KANK2: variants seen among roughly 807,000 people sequenced by gnomAD.
The protein encoded by KANK2 is KN motif and ankyrin repeat domain-containing protein 2.
Under a neutral mutation model 74.6 loss-of-function variants are expected in KANK2, and 41 were observed. That is an observed-to-expected ratio of 0.55 (90% CI 0.43 to 0.71). KANK2 has a LOEUF of 0.71. Ranked by LOEUF, KANK2 falls within the 30% of genes least tolerant of loss-of-function variation. The pLI is 0.00. For missense variants in KANK2, 1,148 were observed against 1,196.4 expected, an observed-to-expected ratio of 0.96 and a Z score of 0.60; for synonymous variants, 537 against 519.0, an observed-to-expected ratio of 1.03 and a Z score of -0.47.
chr19:11,171,824 C>G (rs1239679485), intron 10 of KANK2, among the ~76,000 whole-genome samples: 1 of 151,358 alleles, frequency 6.6e-6, no homozygotes, highest in Non-Finnish European at 1.5e-5. Flanking sequence ...GCACATGCCA[C>G]CATGCCCAGC....
At chr19:11,175,196 G>A (rs1481230509) in intron 8 of KANK2, among the ~76,000 whole-genome samples, 1 of 151,778 alleles carries the variant, frequency 6.6e-6, no homozygotes, top group Non-Finnish European at 1.5e-5. Context: ...GGAGGCCAGG[G>A]TGAGCGGATC....
chr19:11,172,379 A>G (rs1389243512), intron 10 of KANK2, among the ~76,000 whole-genome samples: 1 of 152,190 alleles, frequency 6.6e-6, no homozygotes, highest in African/African-American at 2.4e-5. Flanking sequence ...GCCCCGTCAC[A>G]GCTCCATTTT....
At chr19:11,168,516 A>G (rs1244469059) in intron 12 of KANK2, among the ~76,000 whole-genome samples, 1 of 151,926 alleles carries the variant, frequency 6.6e-6, no homozygotes, top group Non-Finnish European at 1.5e-5. Flanking sequence ...GGTTCAAGCA[A>G]TCCTTCCATC....
chr19:11,195,571 C>T (rs2078994012), intron 2 of KANK2, 51 bp downstream of exon 2: 1 of 152,408 alleles, frequency 6.6e-6, no homozygotes, highest in Admixed American at 6.6e-5. Context: ...GAGGATGGGC[C>T]AGGTAGGGCA....
chr19:11,169,839 C>A, intron 12 of KANK2, 38 bp downstream of exon 12: 1 of 1,511,980 alleles, frequency 6.6e-7, no homozygotes, highest in Admixed American at 1.7e-5. Context: ...TTCAGAGACC[C>A]ACCCATCCCG....
intron 10 of KANK2, among the ~76,000 whole-genome samples, chr19:11,171,218 G>A (rs1231028551): frequency 7.2e-5 from 11 of 152,190 alleles, no homozygotes; most frequent in Admixed American, 5.2e-4. Context: ...GCAACATAGC[G>A]AGACCATGTC....
chr19:11,166,403 C>T lies in KANK2; in HGVS notation c.*155G>A. Reference sequence around the variant, plus strand: ...AGCTGGAGTCCTGTGGCCGTCGGGGCTCCCCCAGGGAAGCAGAGGGAGAGC... The same window carrying T: ...AGCTGGAGTCCTGTGGCCGTCGGGGTTCCCCCAGGGAAGCAGAGGGAGAGC... On this transcript the variant is annotated 3_prime_UTR_variant, in exon 13 of 13. Transcript: ENST00000586659. 1.5e-6 allele frequency: 1 copy of T among 673,304 alleles called. No individual in the cohort carries two copies. The highest frequency in any genetic ancestry group is 2.5e-6 in the Non-Finnish European group (1 of 392,454). 41.7% of individuals were successfully genotyped at this position (673,304 alleles called of 1,614,324 possible). A position where few individuals can be genotyped will look rare whatever the true frequency, so the allele number is the denominator to read the frequency against.
At chr19:11,197,173 G>T in intron 1 of KANK2, 1 of 152,872 alleles carries the variant, frequency 6.5e-6, no homozygotes, top group Non-Finnish European at 1.5e-5. Flanking sequence ...ACAGAGACAG[G>T]GGAGAGCGGG....
At chr19:11,176,470 G>A in intron 7 of KANK2, 108 bp downstream of exon 7, 1 of 1,272,480 alleles carries the variant, frequency 7.9e-7, no homozygotes, top group Non-Finnish European at 1.1e-6. Flanking sequence ...AGACTAAAGT[G>A]TGCATGACTG....
At position 11,193,730 on chromosome 19, in the gene KANK2, C is replaced by T. The variant is rs574295288; in HGVS notation, c.350G>A (p.Arg117His). ...CTCCACCCGCGGATTGAAGCCACCG[C>T]GGGTCTCCAGAGCACCATACTGAGG... The part of the protein sequence containing the change: ...FYPQYGALET[R>H]GGFNPRVERT... The change falls in exon 4 of 13, where the codon CGC becomes CAC. Residue 117 changes from arginine to histidine, a missense_variant. Transcript: ENST00000586659. The surrounding 1 kb of genome is among the most constrained non-coding windows in gnomAD (Gnocchi z 9.6). 51 of 1,612,408 alleles carry T rather than the reference C, an allele frequency of 3.2e-5. No homozygotes were observed. Among genetic ancestry groups the T allele is most frequent in the Middle Eastern group, 1.6e-4 (1 of 6,062 alleles).
intron 4 of KANK2, among the ~76,000 whole-genome samples, chr19:11,189,847 C>T (rs1214468106): frequency 6.6e-6 from 1 of 152,150 alleles, no homozygotes; most frequent in Non-Finnish European, 1.5e-5. Flanking sequence ...ATGGTGGTTG[C>T]CTCTCAGAGA....
chr19:11,169,998 C>T (rs373063713), intron 11 of KANK2, 32 bp from the exon 12 acceptor site: 2 of 1,612,732 alleles, frequency 1.2e-6, no homozygotes, highest in African/African-American at 2.7e-5. Flanking sequence ...GAATGACGTC[C>T]CCATGCTGTG....
intron 4 of KANK2, among the ~76,000 whole-genome samples, chr19:11,187,292 G>C (rs2078704447): frequency 1.3e-5 from 2 of 151,972 alleles, no homozygotes; most frequent in Admixed American, 1.3e-4. Flanking sequence ...AAAATAAAAA[G>C]TGATAAATCA....
rs779948615 is a variant in KANK2 at position 11,193,607 on chromosome 19, G to T, written c.473C>A (p.Ser158Tyr). ...GGGTGGCAACCCCACGCCCACCAGGGAGGCTGTCGAGCCGGCCGCACTGGG... is the reference window on the plus strand; with the variant it reads ...GGGTGGCAACCCCACGCCCACCAGGTAGGCTGTCGAGCCGGCCGCACTGGG... The part of the protein sequence containing the change: ...LTPSAAGSTA[S>Y]LVGVGLPPPT... Residue 158 changes from serine (S) to tyrosine (Y), a missense_variant, in exon 4 of 13, where the codon TCC (serine) becomes TAC (tyrosine). Coordinates refer to ENST00000586659, the MANE Select transcript of KANK2 (RefSeq NM_001136191.3). The surrounding 1 kb of genome is among the most constrained non-coding windows in gnomAD (Gnocchi z 9.6). The T allele has an allele frequency of 6.3e-7, 1 of 1,585,178 alleles. No homozygotes were observed. Among genetic ancestry groups the T allele is most frequent in the Admixed American group, 1.7e-5 (1 of 58,534 alleles).
At chr19:11,174,379 C>T (rs974089209) in intron 9 of KANK2, 94 bp downstream of exon 9, 3 of 1,004,592 alleles carry the variant, frequency 3.0e-6, no homozygotes, top group Admixed American at 2.0e-5. Context: ...TCATCTTCCC[C>T]ATCAGATGGG....
rs1428348028 is a variant in KANK2 at position 11,173,109 on chromosome 19, C to T, written c.2083G>A (p.Asp695Asn). ...QLLDSGVCKV[D>N]KQNRAGYSPI... ...CTGTAGCCAGCACGGTTCTGTTTGT[C>T]CACCTTGCAGACACCTAAGAGACAT... The change falls in exon 10 of 13, where the codon GAC (aspartate) becomes AAC (asparagine). Residue 695 changes from aspartate (D) to asparagine (N), a missense_variant. Physicochemically the swap from Asp to Asn is conservative, Grantham distance 23. Coordinates refer to ENST00000586659, the MANE Select transcript of KANK2 (RefSeq NM_001136191.3). 2.5e-6 allele frequency: 4 copies of T among 1,613,532 alleles called. No homozygotes were observed. Among genetic ancestry groups the T allele is most frequent in the Admixed American group, 3.3e-5 (2 of 59,890 alleles).
intron 10 of KANK2, among the ~76,000 whole-genome samples, chr19:11,172,589 T>G (rs2078208628): frequency 6.6e-6 from 1 of 151,980 alleles, no homozygotes; most frequent in Admixed American, 6.6e-5. Context: ...CTGCCTAAAT[T>G]CCCCTGGCGG....
rs186883847 is a variant in KANK2 at position 11,167,354 on chromosome 19, C to T, written c.2503-743G>A. Reference sequence around the variant, plus strand: ...TGTTGAGATTACAGGCGTGAGCCACCGTGCCCGGCCTAGATTTTTTTTTGC... The same window carrying T: ...TGTTGAGATTACAGGCGTGAGCCACTGTGCCCGGCCTAGATTTTTTTTTGC... On this transcript the variant is annotated intron_variant, in intron 12 of 12. Coordinates refer to ENST00000586659, the MANE Select transcript of KANK2 (RefSeq NM_001136191.3). 4.9e-3 allele frequency among the ~76,000 whole-genome samples: 743 copies of T among 151,438 alleles called. 3 individuals carry two copies. Among genetic ancestry groups the T allele is most frequent in the African/African-American group, 0.017 (713 of 41,252 alleles).
intron 7 of KANK2, 88 bp downstream of exon 7, chr19:11,176,490 T>C: frequency 7.1e-7 from 1 of 1,401,132 alleles, no homozygotes; most frequent in South Asian, 1.5e-5. Context: ...GATAGGAGGG[T>C]CCTTCAAAGG....
Sources: allele counts gnomAD v4.1 joint callset (sites outside exome capture counted in the v4.1 genomes callset), GRCh38; gene constraint gnomAD v4.1.1; non-coding constraint Gnocchi (gnomAD v3.1); transcripts MANE v1.5; gene names NCBI Gene and HGNC (gene_info 2026-07-23, HGNC 2026-07-21).